Variants in ACCSL observed in about 807,000 individuals in gnomAD.
ACCSL encodes probable inactive 1-aminocyclopropane-1-carboxylate synthase-like protein 2.
Under a neutral mutation model 61.7 loss-of-function variants are expected in ACCSL, and 55 were observed. The observed-to-expected ratio is 0.89, with a 90% CI of 0.72 to 1.12. The LOEUF (loss-of-function observed/expected upper bound fraction) is 1.12. Ranked by LOEUF, ACCSL falls within the 50% of genes most tolerant of loss-of-function variation. The pLI is 0.00. For synonymous variants in ACCSL, 258 were observed against 264.3 expected, an observed-to-expected ratio of 0.98 and a Z score of 0.23; for missense variants, 632 against 698.0, an observed-to-expected ratio of 0.91 and a Z score of 1.07.
At chr11:44,025,338 T>G in the ACCSL span, among the ~76,000 whole-genome samples, 1 of 152,160 alleles carries the variant, frequency 6.6e-6, no homozygotes, top group African/African-American at 2.4e-5. Context: ...AATTACTTTC[T>G]TAGTGGTTGC....
At chr11:43,955,429 G>A in the ACCSL span, among the ~76,000 whole-genome samples, 1 of 152,214 alleles carries the variant, frequency 6.6e-6, no homozygotes, top group Non-Finnish European at 1.5e-5. Flanking sequence ...CCACTGCACA[G>A]ACGAGACCAA....
chr11:43,936,880 A>AC, the ACCSL span, among the ~76,000 whole-genome samples: 1,644 of 149,172 alleles, frequency 0.011, 28 homozygotes, highest in African/African-American at 0.038. Flanking sequence ...CAATTTCCCC[A>AC]CCCCCCCCTC....
At chr11:44,024,336 A>G in the ACCSL span, among the ~76,000 whole-genome samples, 1 of 152,006 alleles carries the variant, frequency 6.6e-6, no homozygotes, top group African/African-American at 2.4e-5. Context: ...CAGCTTGCAG[A>G]TGGCAGATTA....
At chr11:44,005,515 C>T in the ACCSL span, among the ~76,000 whole-genome samples, 3 of 152,058 alleles carry the variant, frequency 2.0e-5, no homozygotes, top group Non-Finnish European at 4.4e-5. Context: ...AGTGAGGCAG[C>T]GCTGAGGGAG....
intron 13 of ACCSL, 79 bp from the exon 14 acceptor site, chr11:44,059,759 C>T (rs1952696109): frequency 8.3e-7 from 1 of 1,208,816 alleles, no homozygotes; most frequent in Admixed American, 2.0e-5. Context: ...TATGGTTGAC[C>T]ATGACCTGGG....
chr11:43,954,259 G>A, the ACCSL span, among the ~76,000 whole-genome samples: 19 of 152,312 alleles, frequency 1.2e-4, no homozygotes, highest in African/African-American at 4.6e-4. Context: ...CCTGAGGTTT[G>A]TTGTCTCACG....
chr11:44,025,341 G>A, the ACCSL span, among the ~76,000 whole-genome samples: 7 of 151,884 alleles, frequency 4.6e-5, no homozygotes, highest in South Asian at 2.1e-4. Flanking sequence ...TACTTTCTTA[G>A]TGGTTGCCCT....
At chr11:43,924,456 G>A in the ACCSL span, among the ~76,000 whole-genome samples, 14 of 152,226 alleles carry the variant, frequency 9.2e-5, no homozygotes, top group Non-Finnish European at 1.9e-4. Context: ...GGCGGTGGGC[G>A]CCTGAGGGCC....
chr11:44,040,921 G>T, the ACCSL span, among the ~76,000 whole-genome samples: 1 of 152,152 alleles, frequency 6.6e-6, no homozygotes, highest in African/African-American at 2.4e-5. Flanking sequence ...GACCAACTTG[G>T]GTTTGAAGCT....
the ACCSL span, among the ~76,000 whole-genome samples, chr11:44,008,560 T>A: frequency 6.6e-6 from 1 of 152,210 alleles, no homozygotes; most frequent in South Asian, 2.1e-4. Context: ...ACAGTAAGCA[T>A]AGTGGTTAAG....
At chr11:43,968,000 T>C in the ACCSL span, among the ~76,000 whole-genome samples, 1 of 152,232 alleles carries the variant, frequency 6.6e-6, no homozygotes, top group Non-Finnish European at 1.5e-5. Context: ...ATTATTATTT[T>C]AGAGCAGTGG....
At chr11:44,020,817 T>A in the ACCSL span, among the ~76,000 whole-genome samples, 1 of 151,994 alleles carries the variant, frequency 6.6e-6, no homozygotes, top group Non-Finnish European at 1.5e-5. Flanking sequence ...GTCCATTGTA[T>A]CATTCTTATG....
the ACCSL span, among the ~76,000 whole-genome samples, chr11:43,985,276 T>A: frequency 6.6e-6 from 1 of 151,882 alleles, no homozygotes; most frequent in Non-Finnish European, 1.5e-5. Context: ...GTACCTCCAG[T>A]GTGAGAGGTG....
At chr11:44,027,003 C>T in the ACCSL span, among the ~76,000 whole-genome samples, 15 of 152,218 alleles carry the variant, frequency 9.9e-5, no homozygotes, top group East Asian at 1.9e-4. Context: ...GCTGGGATTA[C>T]AGGCGTGAGC....
At chr11:43,996,184 C>T in the ACCSL span, among the ~76,000 whole-genome samples, 2 of 152,338 alleles carry the variant, frequency 1.3e-5, no homozygotes, top group Non-Finnish European at 1.5e-5. Flanking sequence ...CTCAGATTTC[C>T]AGCCGCTAGA....
chr11:44,041,581 C>A, the ACCSL span, among the ~76,000 whole-genome samples: 1 of 152,106 alleles, frequency 6.6e-6, no homozygotes, highest in Non-Finnish European at 1.5e-5. Context: ...ATGAGATGGG[C>A]CCCTATTCTA....
intron 8 of ACCSL, among the ~76,000 whole-genome samples, chr11:44,054,447 C>CTTTTTTTTTTT (rs67313576): frequency 3.6e-5 from 5 of 138,418 alleles, no homozygotes; most frequent in Non-Finnish European, 6.3e-5. Context: ...TTCTTTCTTT[C>CTTTTTTTTTTT]TTTTTTTTTT....
chr11:44,002,433 G>A, the ACCSL span, among the ~76,000 whole-genome samples: 2 of 152,192 alleles, frequency 1.3e-5, no homozygotes, highest in African/African-American at 4.8e-5. Flanking sequence ...GAAAGGTTAC[G>A]CTGGGAAATT....
chr11:43,963,006 G>T, the ACCSL span, among the ~76,000 whole-genome samples: 1 of 152,082 alleles, frequency 6.6e-6, no homozygotes, highest in African/African-American at 2.4e-5. Context: ...TCTGATCGGG[G>T]GTATCTATTG....
Sources: gnomAD v4.1 joint callset for allele counts (sites outside exome capture counted in the v4.1 genomes callset) on GRCh38, gnomAD v4.1.1 for gene constraint, MANE v1.5 for transcripts, NCBI Gene and HGNC (gene_info 2026-07-23, HGNC 2026-07-21) for gene names.